The following EIF3H variants were observed in gnomAD, a reference collection of about 807,000 sequenced individuals.
EIF3H encodes eukaryotic translation initiation factor 3 subunit H.
In EIF3H, 26 loss-of-function variants were observed where a neutral mutation model predicts 44.2. That is an observed-to-expected ratio of 0.59 (90% confidence interval 0.43 to 0.82). The LOEUF (loss-of-function observed/expected upper bound fraction) is 0.82. EIF3H is among the 40% of genes least tolerant of loss of function. The pLI is 0.00. For missense variants in EIF3H, 359 were observed against 432.8 expected (o/e 0.83, Z 1.51); for synonymous variants, 166 against 151.9 (o/e 1.09, Z -0.68).
intron 2 of EIF3H, among the ~76,000 whole-genome samples, chr8:116,675,250 A>G (rs1321357459): frequency 6.6e-6 from 1 of 152,230 alleles, no homozygotes; most frequent in Non-Finnish European, 1.5e-5. Flanking sequence ...TATGTCACTG[A>G]AATTCCTATT....
At chr8:116,670,335 C>T (rs1463377840) in intron 2 of EIF3H, among the ~76,000 whole-genome samples, 3 of 152,112 alleles carry the variant, frequency 2.0e-5, no homozygotes, top group Middle Eastern at 3.2e-3. Flanking sequence ...AATCCAGTTC[C>T]GGGGCAGCTA....
intron 1 of EIF3H, among the ~76,000 whole-genome samples, chr8:116,729,982 T>G (rs1190914081): frequency 6.6e-6 from 1 of 152,176 alleles, no homozygotes; most frequent in African/African-American, 2.4e-5. Flanking sequence ...ATTTCCAACT[T>G]TAATATTTAT....
At chr8:116,650,446 T>G (rs1025862906) in intron 5 of EIF3H, among the ~76,000 whole-genome samples, 15 of 152,182 alleles carry the variant, frequency 9.9e-5, no homozygotes, top group Admixed American at 9.8e-4. Flanking sequence ...AACTCATACA[T>G]GTATGTTAAT....
At chr8:116,760,800 T>TA (rs1002070786), upstream of EIF3H, among the ~76,000 whole-genome samples, 6 of 152,340 alleles carry the variant, frequency 3.9e-5, no homozygotes, top group East Asian at 9.6e-4. Flanking sequence ...TCCTGCTGCT[T>TA]AAAAATATAT....
At chr8:116,665,954 G>A (rs563663504) in intron 2 of EIF3H, among the ~76,000 whole-genome samples, 2 of 152,256 alleles carry the variant, frequency 1.3e-5, no homozygotes, top group South Asian at 2.1e-4. Flanking sequence ...TTCTTAAAAC[G>A]TCCATATTCT....
intron 6 of EIF3H, among the ~76,000 whole-genome samples, chr8:116,647,108 CAG>C (rs1813314684): frequency 2.6e-5 from 4 of 151,508 alleles, no homozygotes; most frequent in Non-Finnish European, 5.9e-5. Context: ...TTTTTTGACA[CAG>C]AGTCTCATTC....
At chr8:116,699,588 T>C (rs954011173) in intron 2 of EIF3H, among the ~76,000 whole-genome samples, 7 of 152,166 alleles carry the variant, frequency 4.6e-5, no homozygotes, top group East Asian at 1.9e-4. Flanking sequence ...TGAAAAACCA[T>C]TGGGTACTAT....
chr8:116,663,930 C>CA (rs779193805), intron 2 of EIF3H, among the ~76,000 whole-genome samples: 20,245 of 75,668 alleles, frequency 0.27, 2,193 homozygotes, highest in East Asian at 0.49. Flanking sequence ...GACTCAGTCT[C>CA]AAAAAAAAAA....
intron 2 of EIF3H, among the ~76,000 whole-genome samples, chr8:116,721,248 G>GC (rs1814741159): frequency 6.6e-6 from 1 of 152,212 alleles, no homozygotes; most frequent in Non-Finnish European, 1.5e-5. Flanking sequence ...TTCAGAGGGC[G>GC]CAAGTCCCAA....
At chr8:116,694,943 A>C (rs1262487876) in intron 2 of EIF3H, among the ~76,000 whole-genome samples, 2 of 152,164 alleles carry the variant, frequency 1.3e-5, no homozygotes, top group Non-Finnish European at 2.9e-5. Flanking sequence ...GAAAATAAAA[A>C]TGTATCTCCA....
chr8:116,663,801 G>A (rs1011734003), intron 2 of EIF3H, among the ~76,000 whole-genome samples: 1 of 151,856 alleles, frequency 6.6e-6, no homozygotes, highest in African/African-American at 2.4e-5. Flanking sequence ...CGTGGTGGCA[G>A]GCGCCTGTAA....
chr8:116,681,796 T>C (rs1274451547), intron 2 of EIF3H, among the ~76,000 whole-genome samples: 5 of 152,168 alleles, frequency 3.3e-5, no homozygotes, highest in Non-Finnish European at 7.4e-5. Flanking sequence ...TTCTGTAAAA[T>C]ACTGTTCTGA....
chr8:116,653,908 T>C (rs763960260), intron 5 of EIF3H, among the ~76,000 whole-genome samples: 11 of 152,190 alleles, frequency 7.2e-5, no homozygotes, highest in East Asian at 5.8e-4. Flanking sequence ...CCCATGTCTA[T>C]AGGCTGTGAA....
chr8:116,665,814 G>A (rs947053989), intron 2 of EIF3H, among the ~76,000 whole-genome samples: 1 of 152,178 alleles, frequency 6.6e-6, no homozygotes, highest in African/African-American at 2.4e-5. Context: ...TTTTTGCCAA[G>A]CTGCACATAC....
intron 2 of EIF3H, among the ~76,000 whole-genome samples, chr8:116,715,726 T>C (rs571625426): frequency 2.6e-5 from 4 of 152,236 alleles, no homozygotes; most frequent in Non-Finnish European, 4.4e-5. Context: ...TTATAACATA[T>C]TTAAGGAATT....
chr8:116,654,911 T>TC (rs1668027384), intron 5 of EIF3H, among the ~76,000 whole-genome samples: 1 of 151,698 alleles, frequency 6.6e-6, no homozygotes, highest in Non-Finnish European at 1.5e-5. Context: ...TGTACACTTT[T>TC]TTTTTTTTAA....
At chr8:116,766,053 T>G (rs1196305341) in exon 1 of EIF3H, 1 of 152,238 alleles carries the variant, frequency 6.6e-6, no homozygotes, top group Non-Finnish European at 1.5e-5. Context: ...TTAATTTCTT[T>G]ATGGGAAAGC....
rs537550768 is a variant in EIF3H at position 116,734,195 on chromosome 8, G to C, written c.133-8023C>G. The C allele has an allele frequency of 1.9e-3, 863 of 445,840 alleles. 17 individuals are homozygous for C. Among genetic ancestry groups the C allele is most frequent in the South Asian group, 0.013 (827 of 62,650 alleles). 27.6% of individuals were successfully genotyped at this position (445,840 alleles called of 1,614,324 possible). A position where few individuals can be genotyped will look rare whatever the true frequency, so the allele number is the denominator to read the frequency against. On this transcript the variant is annotated intron_variant, in intron 1 of 7. Transcript: ENST00000521861. ...AGCCACTATTCTAGAATGACAATTAGGAAAATTAATGTGATTACAGATTGC... is the reference window on the plus strand; with the variant it reads ...AGCCACTATTCTAGAATGACAATTACGAAAATTAATGTGATTACAGATTGC...
rs553970916 is a variant in EIF3H, at chr8:116,642,243, G to A, written c.*2763C>T. 18 of 152,246 alleles carry A rather than the reference G, an allele frequency of 1.2e-4. No individual in the cohort carries two copies. The East Asian group carries it at 2.9e-3, about 24-fold the overall frequency. The allele number at this position is 152,246 out of a possible 1,614,324, so 9.4% of individuals were successfully genotyped here. The stretch of plus-strand genomic sequence containing the variant: ...TTCGATGCCAGCATGGTTTGAAAGT[G>A]AAGCTGATACAAGTTTTCTAAAGGA... On this transcript the variant is annotated 3_prime_UTR_variant, in exon 8 of 8. Transcript: ENST00000521861.
Sources: gnomAD v4.1 joint callset for allele counts (sites outside exome capture counted in the v4.1 genomes callset) on GRCh38, gnomAD v4.1.1 for gene constraint, MANE v1.5 for transcripts, NCBI Gene and HGNC (gene_info 2026-07-23, HGNC 2026-07-21) for gene names.